SMC4: variants seen among roughly 807,000 people sequenced by gnomAD.
SMC4 encodes the protein structural maintenance of chromosomes 4, also known as structural maintenance of chromosomes protein 4.
SMC4 carries 87 observed loss-of-function variants against 145.6 expected under a neutral mutation model. The ratio of observed to expected loss-of-function variants is 0.60; its 90% CI spans 0.50 to 0.71. SMC4 has a LOEUF of 0.71. SMC4 is among the 30% of genes least tolerant of loss of function. The pLI, the probability that SMC4 is intolerant of heterozygous loss-of-function variation, is 0.00. For synonymous variants in SMC4, 558 were observed against 500.7 expected (o/e 1.11, Z -1.53); for missense variants, 1,447 against 1,537.1 (o/e 0.94, Z 0.98).
At position 160,401,296 on chromosome 3, in the gene SMC4, A is replaced by G. The variant is rs148824756; in HGVS notation, c.139+331A>G. Among the ~76,000 whole-genome samples, 597 of 152,192 alleles carry G rather than the reference A, an allele frequency of 3.9e-3. 2 individuals carry two copies. Among genetic ancestry groups the G allele is most frequent in the East Asian group, 0.024 (124 of 5,166 alleles). ...AATCGAGACGGTCAATCAAGAGAGC[A>G]AGTGGACTTTTTTCCCAGAGACAAT... On this transcript the variant is annotated intron_variant, in intron 2 of 23. Coordinates refer to ENST00000357388, the MANE Select transcript of SMC4 (RefSeq NM_001002800.3).
At chr3:160,425,817 T>A (rs1256526747) in intron 16 of SMC4, among the ~76,000 whole-genome samples, 1 of 152,214 alleles carries the variant, frequency 6.6e-6, no homozygotes, top group African/African-American at 2.4e-5. Context: ...TTTTTCCAAG[T>A]CTTTGAACAC....
At chr3:160,426,005 T>C (rs1444712153) in intron 16 of SMC4, 69 bp from the exon 17 acceptor site, 15 of 1,256,970 alleles carry the variant, frequency 1.2e-5, no homozygotes, top group Non-Finnish European at 1.7e-5. Context: ...TAAGTGCCCT[T>C]TTTAAAAATT....
intron 5 of SMC4, among the ~76,000 whole-genome samples, chr3:160,407,963 A>G (rs1715530784): frequency 6.6e-6 from 1 of 152,198 alleles, no homozygotes; most frequent in African/African-American, 2.4e-5. Flanking sequence ...GGTAGCTTAC[A>G]AAGATCAAAT....
chr3:160,430,391 T>G (rs1013652789), intron 18 of SMC4, among the ~76,000 whole-genome samples: 1 of 152,204 alleles, frequency 6.6e-6, no homozygotes, highest in Admixed American at 6.5e-5. Context: ...AGAAAGGCAT[T>G]TATAATTAAA....
rs1418917851 is a variant in SMC4, at chr3:160,428,859, C to T, written c.2712C>T (p.Asp904=). Residue 904 remains aspartate (D), a synonymous_variant, in exon 18 of 24, where the codon GAC becomes GAT. Coordinates refer to ENST00000357388, the MANE Select transcript of SMC4 (RefSeq NM_001002800.3). ...INNHKLKAQQ[D]KLDKINKQLD... is the part of the protein sequence containing the mutation. ...ATCATAAACTCAAGGCCCAACAAGA[C>T]AAACTTGATAAAATAAATAAGCAAT... 3 of 1,606,408 alleles carry T rather than the reference C, an allele frequency of 1.9e-6. No individual in the cohort carries two copies. Among genetic ancestry groups the T allele is most frequent in the African/African-American group, 2.7e-5 (2 of 74,266 alleles).
chr3:160,433,015 A>T lies in SMC4; in HGVS notation c.3531-11A>T. 1 of 1,595,098 alleles carries T rather than the reference A, an allele frequency of 6.3e-7. No homozygotes were observed. The highest frequency in any genetic ancestry group is 8.6e-7 in the Non-Finnish European group (1 of 1,164,468). Reference sequence around the variant, plus strand: ...CAGGTAATTTGACTATGATTTTCTTAATCATTTCAGTGTTCGACCACCTAA... The same window carrying T: ...CAGGTAATTTGACTATGATTTTCTTTATCATTTCAGTGTTCGACCACCTAA... On this transcript the variant is annotated splice_polypyrimidine_tract_variant and intron_variant, in intron 22 of 23. Coordinates refer to ENST00000357388, the MANE Select transcript of SMC4 (RefSeq NM_001002800.3).
chr3:160,418,014 A>G (rs1484711061), intron 11 of SMC4, 58 bp downstream of exon 11: 3 of 1,437,540 alleles, frequency 2.1e-6, no homozygotes, highest in Non-Finnish European at 2.9e-6. Context: ...AGCTTTATAC[A>G]TTTTTGTTTT....
chr3:160,416,998 A>G (rs1273335278), intron 10 of SMC4, among the ~76,000 whole-genome samples: 2 of 152,224 alleles, frequency 1.3e-5, no homozygotes, highest in East Asian at 1.9e-4. Flanking sequence ...TTAGCATTAT[A>G]TTAATAAAAC....
At chr3:160,432,226 C>A in intron 21 of SMC4, 57 bp from the exon 22 acceptor site, 1 of 1,249,316 alleles carries the variant, frequency 8.0e-7, no homozygotes. Flanking sequence ...ATTAACAATG[C>A]TAATTATCAT....
intron 5 of SMC4, 90 bp downstream of exon 5, chr3:160,404,594 C>A: frequency 8.8e-7 from 1 of 1,136,886 alleles, no homozygotes; most frequent in Non-Finnish European, 1.3e-6. Context: ...ATTTTTGAGG[C>A]CTTAAAGTAC....
intron 17 of SMC4, among the ~76,000 whole-genome samples, chr3:160,426,579 T>C (rs1025298903): frequency 1.3e-4 from 20 of 152,144 alleles, no homozygotes; most frequent in African/African-American, 4.8e-4. Context: ...AGAAAAACAA[T>C]GTGTACTTGA....
At chr3:160,419,662 G>T in intron 12 of SMC4, 119 bp downstream of exon 12, 1 of 970,310 alleles carries the variant, frequency 1.0e-6, no homozygotes, top group Non-Finnish European at 1.5e-6. Flanking sequence ...GATTCATTTT[G>T]TTTGTTTTAA....
At chr3:160,431,927 C>A in intron 21 of SMC4, 102 bp downstream of exon 21, 1 of 1,245,296 alleles carries the variant, frequency 8.0e-7, no homozygotes, top group Non-Finnish European at 1.1e-6. Flanking sequence ...GTTGGCCGGG[C>A]GTGGTGGCTC....
At position 160,425,034 on chromosome 3, in the gene SMC4, G is replaced by GTGTGTGTGTGTGTGTGTA; in HGVS notation, c.2478+32_2478+33insATGTGTGTGTGTGTGTGT. 6.5e-7 allele frequency: 1 copy of GTGTGTGTGTGTGTGTGTA among 1,547,048 alleles called. No individual in the cohort carries two copies. Among genetic ancestry groups the GTGTGTGTGTGTGTGTGTA allele is most frequent in the Admixed American group, 1.9e-5 (1 of 51,590 alleles). ...CAAGCATCCAGGTATGTGTGTGTGT[G>GTGTGTGTGTGTGTGTGTA]TGTGTGTGTGTGTGTGTGTACTGAA... On this transcript the variant is annotated intron_variant, in intron 16 of 23. Coordinates refer to ENST00000357388, the MANE Select transcript of SMC4 (RefSeq NM_001002800.3).
At chr3:160,410,820 T>G (rs547590170) in intron 5 of SMC4, among the ~76,000 whole-genome samples, 1 of 152,200 alleles carries the variant, frequency 6.6e-6, no homozygotes. Context: ...CTGTATTCAC[T>G]TAGGAAATAG....
chr3:160,419,254 CTT>C (rs1716911307), intron 11 of SMC4, 102 bp from the exon 12 acceptor site: 1 of 757,538 alleles, frequency 1.3e-6, no homozygotes, highest in Admixed American at 3.6e-5. Context: ...TATTGTTGGT[CTT>C]TCTTTCTTTA....
At position 160,430,616 on chromosome 3, in the gene SMC4, A is replaced by G; in HGVS notation, c.2813A>G (p.Gln938Arg). ...TTCTTTAGAAACCTTCAAAAGGCAC[A>G]AGACTCTGTCTTGCGTACAGAGAAA... is the stretch of plus-strand genomic sequence containing the variant. Reference protein sequence around the residue: ...KTADRNLQKAQDSVLRTEKEI... With the variant: ...KTADRNLQKARDSVLRTEKEI... The change falls in exon 19 of 24, where the codon CAA (glutamine) becomes CGA (arginine). Residue 938 changes from glutamine to arginine, a missense_variant. Gln to Arg is a conservative substitution (Grantham distance 43). Transcript: ENST00000357388. 6.2e-7 allele frequency: 1 copy of G among 1,606,770 alleles called. No individual in the cohort carries two copies. Among genetic ancestry groups the G allele is most frequent in the Non-Finnish European group, 8.5e-7 (1 of 1,177,352 alleles).
chr3:160,419,352 T>G lies in SMC4; in HGVS notation c.1672-6T>G. The stretch of plus-strand genomic sequence containing the variant: ...CTTCTGGATTTCATTTTATTTTCAC[T>G]TTTAGAAAGAAAAAGAACTTCAAAA... On this transcript the variant is annotated splice_region_variant and splice_polypyrimidine_tract_variant and intron_variant, in intron 11 of 23. Transcript: ENST00000357388. 6.4e-7 allele frequency: 1 copy of G among 1,573,380 alleles called. No individual in the cohort carries two copies. Among genetic ancestry groups the G allele is most frequent in the East Asian group, 2.2e-5 (1 of 44,584 alleles).
chr3:160,413,760 G>A (rs1281384578), intron 8 of SMC4, 147 bp downstream of exon 8: 6 of 489,018 alleles, frequency 1.2e-5, no homozygotes. Flanking sequence ...AAAAAAACTT[G>A]CCTTGCATCC....
Sources: gnomAD v4.1 joint callset for allele counts (sites outside exome capture counted in the v4.1 genomes callset) on GRCh38, gnomAD v4.1.1 for gene constraint, MANE v1.5 for transcripts, NCBI Gene and HGNC (gene_info 2026-07-23, HGNC 2026-07-21) for gene names.